AGPS: variants seen among roughly 807,000 people sequenced by gnomAD.
The protein encoded by AGPS is alkylglycerone phosphate synthase.
In AGPS, 26 loss-of-function variants were observed where a neutral mutation model predicts 90.7. The ratio of observed to expected loss-of-function variants is 0.29; its 90% confidence interval spans 0.21 to 0.40. The LOEUF (loss-of-function observed/expected upper bound fraction) is 0.40, where lower values mean the gene tolerates loss of function less well. AGPS is among the 10% of genes least tolerant of loss of function. The pLI, the probability that AGPS is intolerant of heterozygous loss-of-function variation, is 1.00. For missense variants in AGPS, 540 were observed against 816.1 expected, an observed-to-expected ratio of 0.66 and a Z score of 4.12; for synonymous variants, 294 against 285.3, an observed-to-expected ratio of 1.03 and a Z score of -0.31.
chr2:177,437,644 A>G (rs1686454445), intron 5 of AGPS, among the ~76,000 whole-genome samples: 1 of 152,204 alleles, frequency 6.6e-6, no homozygotes, highest in Non-Finnish European at 1.5e-5. Flanking sequence ...TTTAGCAGGT[A>G]ATTTAAAGCA....
intron 1 of AGPS, among the ~76,000 whole-genome samples, chr2:177,396,748 T>C (rs1685187947): frequency 6.6e-6 from 1 of 152,166 alleles, no homozygotes; most frequent in African/African-American, 2.4e-5. Context: ...GGTGACACCA[T>C]TAAAGTTTAA....
At chr2:177,528,994 T>C (rs1406071583) in intron 19 of AGPS, among the ~76,000 whole-genome samples, 2 of 151,902 alleles carry the variant, frequency 1.3e-5, no homozygotes, top group East Asian at 3.9e-4. Context: ...TAGCTGGGAT[T>C]ACAGGCTCCC....
At chr2:177,481,985 G>T in intron 10 of AGPS, 74 bp from the exon 11 acceptor site, 1 of 1,367,072 alleles carries the variant, frequency 7.3e-7, no homozygotes, top group Non-Finnish European at 1.0e-6. Flanking sequence ...TGAATTAATA[G>T]ATTAAATAGA....
At chr2:177,435,898 A>ATGACATAT (rs1197710854) in intron 3 of AGPS, among the ~76,000 whole-genome samples, 1 of 152,094 alleles carries the variant, frequency 6.6e-6, no homozygotes. Flanking sequence ...TATGGTGACA[A>ATGACATAT]TGTCATTTAA....
intron 8 of AGPS, among the ~76,000 whole-genome samples, chr2:177,459,805 C>T (rs950088793): frequency 6.6e-6 from 1 of 152,152 alleles, no homozygotes; most frequent in African/African-American, 2.4e-5. Context: ...CCCAGCAATC[C>T]CATTACTGGG....
chr2:177,422,225 T>G (rs1685961261), intron 2 of AGPS, among the ~76,000 whole-genome samples: 1 of 152,164 alleles, frequency 6.6e-6, no homozygotes, highest in Non-Finnish European at 1.5e-5. Context: ...TATGGTTAGA[T>G]TATTGCTTTT....
At chr2:177,483,583 T>TA (rs1030159876) in intron 11 of AGPS, among the ~76,000 whole-genome samples, 50 of 152,296 alleles carry the variant, frequency 3.3e-4, no homozygotes, top group African/African-American at 1.1e-3. Context: ...TGTGGCAAGT[T>TA]ACTTTGGTAG....
intron 11 of AGPS, among the ~76,000 whole-genome samples, chr2:177,486,353 T>C (rs181879640): frequency 1.3e-5 from 2 of 152,314 alleles, no homozygotes; most frequent in East Asian, 3.9e-4. Flanking sequence ...GTATATTAGT[T>C]TGTAGAACAT....
At chr2:177,422,925 C>A (rs1685980547) in intron 2 of AGPS, among the ~76,000 whole-genome samples, 1 of 16,016 alleles carries the variant, frequency 6.2e-5, no homozygotes, top group African/African-American at 1.3e-4. Context: ...AGTTACCTTA[C>A]AATAACCCTA....
intron 11 of AGPS, among the ~76,000 whole-genome samples, chr2:177,482,677 A>G (rs991734586): frequency 2.0e-5 from 3 of 152,162 alleles, no homozygotes; most frequent in Non-Finnish European, 4.4e-5. Flanking sequence ...CTACTAGGCT[A>G]TACTTTGTTT....
intron 9 of AGPS, among the ~76,000 whole-genome samples, chr2:177,467,330 C>A (rs192504326): frequency 6.6e-5 from 10 of 152,266 alleles, no homozygotes; most frequent in Admixed American, 2.0e-4. Flanking sequence ...GTTTATTTAA[C>A]TCCCTCTTAA....
intron 11 of AGPS, among the ~76,000 whole-genome samples, chr2:177,492,734 T>A (rs1559070810): frequency 6.6e-6 from 1 of 152,196 alleles, no homozygotes; most frequent in African/African-American, 2.4e-5. Flanking sequence ...TTACTGTGGA[T>A]AAAATACAGT....
At chr2:177,465,733 C>T (rs1048120032) in intron 9 of AGPS, among the ~76,000 whole-genome samples, 14 of 152,332 alleles carry the variant, frequency 9.2e-5, no homozygotes, top group South Asian at 2.1e-4. Context: ...TTGGAGACGC[C>T]AGGGACTGCA....
chr2:177,536,807 A>G (rs768863091), intron 19 of AGPS, among the ~76,000 whole-genome samples: 1 of 152,156 alleles, frequency 6.6e-6, no homozygotes, highest in Non-Finnish European at 1.5e-5. Context: ...CACAGTATTT[A>G]TTATTTTGAT....
rs959431346 is a variant in AGPS, at chr2:177,434,423, CA to C, written c.441+9del. ...AGCATAAAACTACCTCTAAAGTAAG[CA>C]AACAAAAATTATTACTAACTCATTT... is the stretch of plus-strand genomic sequence containing the variant. On this transcript the variant is annotated splice_region_variant and intron_variant, in intron 3 of 19. Coordinates refer to ENST00000264167, the MANE Select transcript of AGPS (RefSeq NM_003659.4). The C allele has an allele frequency of 1.9e-6, 3 of 1,594,286 alleles. No individual in the cohort carries two copies. The African/African-American group carries it at 4.0e-5, about 21-fold the overall frequency.
Position 177,539,662 on chromosome 2 carries a change from A to G in AGPS, c.*1467A>G, listed in dbSNP as rs1228907021. 2 of 152,062 alleles carry G rather than the reference A, an allele frequency of 1.3e-5. No individual in the cohort carries two copies. The highest frequency in any genetic ancestry group is 4.8e-5 in the African/African-American group (2 of 41,450). The allele number at this position is 152,062 out of a possible 1,614,324, so 9.4% of individuals were successfully genotyped here. On this transcript the variant is annotated 3_prime_UTR_variant, in exon 20 of 20. Coordinates refer to ENST00000264167, the MANE Select transcript of AGPS (RefSeq NM_003659.4). ...TATCTGAAGTAGCCTTAACCAGAAA[A>G]ATGGTAATTTAAAATTGACAAAATG... is the stretch of plus-strand genomic sequence containing the variant.
At chr2:177,467,737 G>A (rs543496864) in intron 9 of AGPS, among the ~76,000 whole-genome samples, 1 of 151,864 alleles carries the variant, frequency 6.6e-6, no homozygotes, top group East Asian at 1.9e-4. Flanking sequence ...GTTATTTATC[G>A]GTCCAAAATT....
intron 2 of AGPS, among the ~76,000 whole-genome samples, chr2:177,426,250 G>A (rs1017827842): frequency 3.9e-5 from 6 of 152,184 alleles, no homozygotes. Context: ...TTTGTATCCT[G>A]AGACTTTGCT....
chr2:177,431,795 G>A (rs914436899), intron 2 of AGPS, among the ~76,000 whole-genome samples: 10 of 152,102 alleles, frequency 6.6e-5, no homozygotes, highest in African/African-American at 2.2e-4. Flanking sequence ...TATTCTGTTC[G>A]TTTTCAAGGT....
Sources: allele counts gnomAD v4.1 joint callset (sites outside exome capture counted in the v4.1 genomes callset), GRCh38; gene constraint gnomAD v4.1.1; transcripts MANE v1.5; gene names NCBI Gene and HGNC (gene_info 2026-07-23, HGNC 2026-07-21).